Variants in MGAT4C observed in about 807,000 individuals in gnomAD.
MGAT4C encodes the protein MGAT4 family member C, also known as alpha-1,3-mannosyl-glycoprotein 4-beta-N-acetylglucosaminyltransferase C.
In MGAT4C, 19 loss-of-function variants were observed where a neutral mutation model predicts 40.1. That is an observed-to-expected ratio of 0.47 (90% CI 0.33 to 0.70). The LOEUF is 0.70. Among genes scored for constraint, MGAT4C ranks in the 30% least tolerant of loss-of-function variants. MGAT4C has a pLI of 0.02. For missense variants in MGAT4C, 491 were observed against 563.2 expected (o/e 0.87, Z 1.30); for synonymous variants, 181 against 187.1 (o/e 0.97, Z 0.27).
chr12:86,376,837 AG>A (rs1955835233), intron 3 of MGAT4C, among the ~76,000 whole-genome samples: 1 of 103,042 alleles, frequency 9.7e-6, no homozygotes. Context: ...AGAGAGAGAG[AG>A]AGAGACAGAG....
chr12:86,776,265 T>C (rs1220385817), intron 1 of MGAT4C, among the ~76,000 whole-genome samples: 1 of 152,016 alleles, frequency 6.6e-6, no homozygotes, highest in Non-Finnish European at 1.5e-5. Flanking sequence ...ATGGGAATGA[T>C]AAAAAATAGT....
intron 1 of MGAT4C, among the ~76,000 whole-genome samples, chr12:86,838,489 A>G (rs1429637134): frequency 6.6e-6 from 1 of 152,128 alleles, no homozygotes; most frequent in African/African-American, 2.4e-5. Flanking sequence ...TATTCTACTA[A>G]TCTTCAGTAA....
chr12:86,488,042 A>C (rs1052799333), intron 2 of MGAT4C, among the ~76,000 whole-genome samples: 6 of 152,294 alleles, frequency 3.9e-5, no homozygotes, highest in Non-Finnish European at 7.3e-5. Flanking sequence ...GAAAGGTAGC[A>C]TTAGCTGCCT....
chr12:86,062,960 A>G (rs191309676), intron 1 of MGAT4C, among the ~76,000 whole-genome samples: 13 of 152,298 alleles, frequency 8.5e-5, no homozygotes, highest in South Asian at 6.2e-4. Context: ...TCAGAATATT[A>G]TCCAGGAGAA....
At chr12:86,104,879 C>A (rs148344440) in intron 1 of MGAT4C, among the ~76,000 whole-genome samples, 114 of 151,842 alleles carry the variant, frequency 7.5e-4, no homozygotes, top group Non-Finnish European at 1.3e-3. Flanking sequence ...TTTAACAGAC[C>A]GTGTTCCTGG....
chr12:86,454,230 T>G (rs768999040), intron 2 of MGAT4C, among the ~76,000 whole-genome samples: 12 of 152,076 alleles, frequency 7.9e-5, no homozygotes, highest in Non-Finnish European at 1.5e-4. Context: ...ATGCAATTAT[T>G]ACATCCTTTT....
chr12:86,411,930 GGCTAACAGGGGCCCCAAAA>G (rs1268308503), intron 3 of MGAT4C, among the ~76,000 whole-genome samples: 11 of 152,114 alleles, frequency 7.2e-5, no homozygotes, highest in Admixed American at 1.3e-4. Context: ...CTCTAGCCAT[GGCTAACAGGGGCCCCAAAA>G]TTTCTCAGGC....
intron 1 of MGAT4C, among the ~76,000 whole-genome samples, chr12:86,213,712 A>G (rs763562173): frequency 6.6e-6 from 1 of 152,224 alleles, no homozygotes; most frequent in Non-Finnish European, 1.5e-5. Flanking sequence ...TTCTATACAC[A>G]TATTGGACTG....
At chr12:86,795,025 A>T (rs2136196736) in intron 1 of MGAT4C, among the ~76,000 whole-genome samples, 1 of 152,104 alleles carries the variant, frequency 6.6e-6, no homozygotes, top group East Asian at 1.9e-4. Context: ...TTAAAATGAT[A>T]TAAGCATAAT....
intron 3 of MGAT4C, among the ~76,000 whole-genome samples, chr12:86,387,508 T>C (rs1184406178): frequency 6.6e-6 from 1 of 152,176 alleles, no homozygotes; most frequent in African/African-American, 2.4e-5. Flanking sequence ...ATTATTTATA[T>C]GTTTGCAATA....
intron 2 of MGAT4C, among the ~76,000 whole-genome samples, chr12:86,647,308 T>C (rs950253504): frequency 6.6e-4 from 101 of 152,084 alleles, no homozygotes; most frequent in African/African-American, 2.4e-3. Context: ...TTATTGCATG[T>C]ATCATCAATT....
chr12:86,431,821 G>T (rs1957044956), intron 3 of MGAT4C, among the ~76,000 whole-genome samples: 1 of 152,104 alleles, frequency 6.6e-6, no homozygotes, highest in Non-Finnish European at 1.5e-5. Context: ...ACACTCAAAA[G>T]TTTCATCTGT....
intron 2 of MGAT4C, among the ~76,000 whole-genome samples, chr12:86,587,451 A>G (rs1163434276): frequency 1.3e-5 from 2 of 152,026 alleles, no homozygotes; most frequent in African/African-American, 4.8e-5. Context: ...TTGGTTCCAT[A>G]TGAACTTTAA....
intron 2 of MGAT4C, among the ~76,000 whole-genome samples, chr12:86,711,620 A>C (rs979408520): frequency 6.6e-6 from 1 of 152,090 alleles, no homozygotes; most frequent in Admixed American, 6.6e-5. Context: ...GATCTCTATT[A>C]ATTTGGAATA....
At chr12:86,270,807 A>G (rs2136107478) in intron 4 of MGAT4C, among the ~76,000 whole-genome samples, 1 of 152,336 alleles carries the variant, frequency 6.6e-6, no homozygotes, top group South Asian at 2.1e-4. Flanking sequence ...ACGACATGGT[A>G]TTGGTAAAAA....
chr12:86,264,717 A>G (rs1198822678), intron 4 of MGAT4C, among the ~76,000 whole-genome samples: 1 of 151,924 alleles, frequency 6.6e-6, no homozygotes, highest in Non-Finnish European at 1.5e-5. Flanking sequence ...GCATCTCTGC[A>G]CTCTCCGGGC....
In MGAT4C at chr12:86,700,178, C is replaced by CAGATAGATAGAT. The variant is rs370834701; in HGVS notation, c.-229+27019_-229+27030dup. Among the ~76,000 whole-genome samples the CAGATAGATAGAT allele has an allele frequency of 1.5e-3, 212 of 140,746 alleles. 4 individuals carry two copies. The highest frequency in any genetic ancestry group is 5.6e-3 in the Admixed American group (78 of 13,918). 92.3% of individuals were successfully genotyped at this position (140,746 alleles called of 152,430 possible). ...ACAGACAGACAGACAGACAGACAGA[C>CAGATAGATAGAT]AGATAGATAGATAGATAGATAGATA... On this transcript the variant is annotated intron_variant, in intron 2 of 7. Transcript: ENST00000548651.
intron 1 of MGAT4C, among the ~76,000 whole-genome samples, chr12:86,228,300 A>G (rs1444982206): frequency 6.6e-6 from 1 of 151,902 alleles, no homozygotes; most frequent in Non-Finnish European, 1.5e-5. Flanking sequence ...TTCCTCAGGG[A>G]AGATTAGCAG....
At chr12:86,756,813 C>G (rs1951312267) in intron 1 of MGAT4C, among the ~76,000 whole-genome samples, 1 of 152,118 alleles carries the variant, frequency 6.6e-6, no homozygotes. Context: ...GTCCTTGGTT[C>G]TGGCATGTCT....
Sources: gnomAD v4.1 joint callset for allele counts (sites outside exome capture counted in the v4.1 genomes callset) on GRCh38, gnomAD v4.1.1 for gene constraint, MANE v1.5 for transcripts, NCBI Gene and HGNC (gene_info 2026-07-23, HGNC 2026-07-21) for gene names.